The following CERS1 variants were observed in gnomAD, a reference collection of about 807,000 sequenced individuals.
The protein encoded by CERS1 is ceramide synthase 1, also known as Embryonic growth/differentiation factor 1.
Under a neutral mutation model 35.7 loss-of-function variants are expected in CERS1, and 16 were observed. That is an observed-to-expected ratio of 0.45 (90% confidence interval 0.30 to 0.68). The LOEUF (loss-of-function observed/expected upper bound fraction) is 0.68. Among genes scored for constraint, CERS1 ranks in the 30% least tolerant of loss-of-function variants. The pLI, the probability that CERS1 is intolerant of heterozygous loss-of-function variation, is 0.08. For missense variants in CERS1, 454 were observed against 453.9 expected (o/e 1.00, Z 0.00); for synonymous variants, 243 against 201.6 (o/e 1.21, Z -1.74).
chr19:18,872,354 T>A (rs911334977), intron 6 of CERS1, among the ~76,000 whole-genome samples: 6 of 152,176 alleles, frequency 3.9e-5, no homozygotes, highest in Non-Finnish European at 8.8e-5. Context: ...TTTTCTTGTT[T>A]TGTTTTTTTT....
At chr19:18,877,539 C>G (rs2056080029) in intron 6 of CERS1, among the ~76,000 whole-genome samples, 1 of 152,050 alleles carries the variant, frequency 6.6e-6, no homozygotes, top group Non-Finnish European at 1.5e-5. Flanking sequence ...ACCACTTGAG[C>G]CCAGGTGTTT....
chr19:18,877,885 G>C (rs972725449), intron 6 of CERS1: 3 of 843,288 alleles, frequency 3.6e-6, no homozygotes, highest in African/African-American at 3.7e-5. Context: ...TCCCATCTCA[G>C]TCAATACCAG....
Position 18,868,864 on chromosome 19 carries a change from C to G in CERS1, c.*1121G>C, listed in dbSNP as rs1346134061. ...CCAGGAAGCCGCGCGGCGCGATGAC[C>G]CAGCGGTGCCAGCCCACCTCGCGGA... On this transcript the variant is annotated 3_prime_UTR_variant, in exon 8 of 8. Transcript: ENST00000623882. The G allele has an allele frequency of 6.9e-7, 1 of 1,440,848 alleles. No individual in the cohort carries two copies. Among genetic ancestry groups the G allele is most frequent in the African/African-American group, 1.5e-5 (1 of 67,136 alleles). 89.3% of individuals were successfully genotyped at this position (1,440,848 alleles called of 1,614,324 possible). A position where few individuals can be genotyped will look rare whatever the true frequency, so the allele number is the denominator to read the frequency against.
At position 18,878,576 on chromosome 19, in the gene CERS1, GGTC is replaced by G; in HGVS notation, c.1010+351_1010+353del. 9.1e-7 allele frequency: 1 copy of G among 1,093,348 alleles called. No homozygotes were observed. The highest frequency in any genetic ancestry group is 7.3e-5 in the East Asian group (1 of 13,758). 67.7% of individuals were successfully genotyped at this position (1,093,348 alleles called of 1,614,324 possible). On this transcript the variant is annotated intron_variant, in intron 6 of 7. Coordinates refer to ENST00000623882, the MANE Select transcript of CERS1 (RefSeq NM_021267.5). The surrounding 1 kb of genome is among the most constrained non-coding windows in gnomAD (Gnocchi z 4.6). The stretch of plus-strand genomic sequence containing the variant: ...AGCTCCAGTGGCGACATGGGTCAGA[GGTC>G]GTCATCCAGGCTGGCCAGCAACTAC...
chr19:18,870,118 G>A lies in CERS1; in HGVS notation c.*459C>T, dbSNP rs375610429. ...TGGGGGTCCCGGCGTCGAAACAGGC[G>A]CCACATGACCGGGGGAACCGGCCGG... On this transcript the variant is annotated 3_prime_UTR_variant, in exon 7 of 8. Coordinates refer to ENST00000623882, the MANE Select transcript of CERS1 (RefSeq NM_021267.5). This position sits in a 1 kb window ranked among gnomAD's most constrained non-coding sequence, Gnocchi z 5.1. 1.5e-5 allele frequency: 23 copies of A among 1,566,898 alleles called. No individual in the cohort carries two copies. Among genetic ancestry groups the A allele is most frequent in the Admixed American group, 1.8e-5 (1 of 54,956 alleles).
chr19:18,872,415 T>C (rs772696793), intron 6 of CERS1, among the ~76,000 whole-genome samples: 41 of 152,326 alleles, frequency 2.7e-4, no homozygotes, highest in Non-Finnish European at 5.6e-4. Context: ...TGGCGCAATC[T>C]TGGCTCACTG....
At position 18,870,882 on chromosome 19, in the gene CERS1, T is replaced by C; in HGVS notation, c.1011-263A>G. ...TTGCTTCCCCCTCTCCAATTAAACC[T>C]TCCTCTTCCCCTCCTCCCTGCCTCT... On this transcript the variant is annotated intron_variant, in intron 6 of 7. Coordinates refer to ENST00000623882, the MANE Select transcript of CERS1 (RefSeq NM_021267.5). This position sits in a 1 kb window ranked among gnomAD's most constrained non-coding sequence, Gnocchi z 5.1. Among the ~76,000 whole-genome samples, 1 of 151,670 alleles carries C rather than the reference T, an allele frequency of 6.6e-6. No homozygotes were observed. The highest frequency in any genetic ancestry group is 1.9e-4 in the East Asian group (1 of 5,136).
At position 18,893,495 on chromosome 19, in the gene CERS1, C is replaced by T; in HGVS notation, c.330G>A (p.Leu110=). 6.2e-7 allele frequency: 1 copy of T among 1,609,104 alleles called. No homozygotes were observed. The highest frequency in any genetic ancestry group is 8.5e-7 in the Non-Finnish European group (1 of 1,178,054). ...PESAWKFLFY[L]GSWSYSAYLL... ...GGTAGGCACTGTAGCTCCAGCTGCC[C>T]AGGTAGAAGAGAAACTTCCAAGCGC... Residue 110 remains leucine, a synonymous_variant, in exon 2 of 8, where the codon CTG becomes CTA. Transcript: ENST00000623882.
intron 6 of CERS1, among the ~76,000 whole-genome samples, chr19:18,877,519 A>G (rs1168834571): frequency 1.3e-5 from 2 of 152,300 alleles, no homozygotes; most frequent in South Asian, 2.1e-4. Context: ...TGGGAGGCTA[A>G]GGCATGTGGA....
At position 18,895,507 on chromosome 19, in the gene CERS1, T is replaced by C. The variant is rs914258255; in HGVS notation, c.249+317A>G. ...CTGACCGGAAAGGGCCGTGCCTCGGTCCCCCACGTCTCAAACATCCCACCT... is the reference window on the plus strand; with the variant it reads ...CTGACCGGAAAGGGCCGTGCCTCGGCCCCCCACGTCTCAAACATCCCACCT... On this transcript the variant is annotated intron_variant, in intron 1 of 7. Transcript: ENST00000623882. This position sits in a 1 kb window ranked among gnomAD's most constrained non-coding sequence, Gnocchi z 6.4. Among the ~76,000 whole-genome samples, 5 of 149,494 alleles carry C rather than the reference T, an allele frequency of 3.3e-5. No homozygotes were observed. The highest frequency in any genetic ancestry group is 1.0e-4 in the African/African-American group (4 of 40,072).
chr19:18,879,046 G>A lies in CERS1; in HGVS notation c.901-7C>T, dbSNP rs1248201850. The A allele has an allele frequency of 6.2e-7, 1 of 1,612,610 alleles. No individual in the cohort carries two copies. The highest frequency in any genetic ancestry group is 8.5e-7 in the Non-Finnish European group (1 of 1,179,674). On this transcript the variant is annotated splice_polypyrimidine_tract_variant and splice_region_variant and intron_variant, in intron 5 of 7. Transcript: ENST00000623882. The stretch of plus-strand genomic sequence containing the variant: ...CTGCAAACGCCACGATGTACTGCGA[G>A]AGGGGAGGGGAGGTGCCAGTGAGAA...
Position 18,895,877 on chromosome 19 carries a change from C to T in CERS1, c.196G>A (p.Gly66Ser). 7.8e-7 allele frequency: 1 copy of T among 1,281,992 alleles called. No individual in the cohort carries two copies. Among genetic ancestry groups the T allele is most frequent in the South Asian group, 2.1e-5 (1 of 47,108 alleles). 79.4% of individuals were successfully genotyped at this position (1,281,992 alleles called of 1,614,324 possible). A position where few individuals can be genotyped will look rare whatever the true frequency, so the allele number is the denominator to read the frequency against. ...APPELLLLAL[G>S]ALGWTALRSA... ...CGCAGGGCGGTCCAGCCCAGCGCGC[C>T]GAGCGCCAGCAGCAGCAGCTCGGGC... is the stretch of plus-strand genomic sequence containing the variant. Residue 66 changes from glycine to serine, a missense_variant, in exon 1 of 8, where the codon GGC becomes AGC. Physicochemically the swap from Gly to Ser is moderately conservative, Grantham distance 56. Transcript: ENST00000623882. The surrounding 1 kb of genome is among the most constrained non-coding windows in gnomAD (Gnocchi z 6.4).
chr19:18,894,534 G>A (rs892543575), intron 1 of CERS1, among the ~76,000 whole-genome samples: 1 of 152,112 alleles, frequency 6.6e-6, no homozygotes, highest in Non-Finnish European at 1.5e-5. Flanking sequence ...CCCGGGGCTC[G>A]GCCCTGGTAG....
intron 2 of CERS1, among the ~76,000 whole-genome samples, chr19:18,892,421 T>C (rs1428130189): frequency 6.6e-6 from 1 of 151,884 alleles, no homozygotes; most frequent in Non-Finnish European, 1.5e-5. Flanking sequence ...GAGACCATCC[T>C]GGCTAACACG....
intron 7 of CERS1, among the ~76,000 whole-genome samples, 178 bp downstream of exon 7, chr19:18,869,805 C>G (rs1389050669): frequency 6.6e-6 from 1 of 152,032 alleles, no homozygotes; most frequent in Non-Finnish European, 1.5e-5. Context: ...TGACATGTGT[C>G]CCCGGCGTGC....
intron 3 of CERS1, 92 bp downstream of exon 3, chr19:18,883,995 T>A: frequency 1.5e-6 from 2 of 1,374,374 alleles, no homozygotes; most frequent in Non-Finnish European, 2.0e-6. Context: ...TGTGATCCCC[T>A]CCACGGCCTC....
At chr19:18,885,554 C>A (rs1287978087) in intron 2 of CERS1, among the ~76,000 whole-genome samples, 1 of 137,722 alleles carries the variant, frequency 7.3e-6, no homozygotes, top group Non-Finnish European at 1.5e-5. Context: ...GAGTCTTGCT[C>A]TGTAGCCCAG....
rs906480809 is a variant in CERS1, at chr19:18,870,939, G to T, written c.1011-320C>A. Among the ~76,000 whole-genome samples the T allele has an allele frequency of 2.0e-5, 3 of 152,032 alleles. No individual in the cohort carries two copies. The highest frequency in any genetic ancestry group is 1.5e-5 in the Non-Finnish European group (1 of 68,014). On this transcript the variant is annotated intron_variant, in intron 6 of 7. Transcript: ENST00000623882. This position sits in a 1 kb window ranked among gnomAD's most constrained non-coding sequence, Gnocchi z 5.1. ...CGCTGGAGGGCAAAACCCACGTACC[G>T]GCCTGGGCCTGACAACTCCACCGCC... is the stretch of plus-strand genomic sequence containing the variant.
In CERS1 at chr19:18,895,696, C is replaced by T; in HGVS notation, c.249+128G>A. The T allele has an allele frequency of 2.5e-6, 1 of 406,012 alleles. No homozygotes were observed. The highest frequency in any genetic ancestry group is 3.7e-6 in the Non-Finnish European group (1 of 267,994). 25.2% of individuals were successfully genotyped at this position (406,012 alleles called of 1,614,324 possible). On this transcript the variant is annotated intron_variant, in intron 1 of 7. Transcript: ENST00000623882. The surrounding 1 kb of genome is among the most constrained non-coding windows in gnomAD (Gnocchi z 6.4). Reference sequence around the variant, plus strand: ...CTCTCCAGCCCGAGGCCCCCACCCACGTTCCGGCGACCCCTTCATCCGCAG... The same window carrying T: ...CTCTCCAGCCCGAGGCCCCCACCCATGTTCCGGCGACCCCTTCATCCGCAG...
Sources: allele counts gnomAD v4.1 joint callset (sites outside exome capture counted in the v4.1 genomes callset), GRCh38; gene constraint gnomAD v4.1.1; non-coding constraint Gnocchi (gnomAD v3.1); transcripts MANE v1.5; gene names NCBI Gene and HGNC (gene_info 2026-07-23, HGNC 2026-07-21).